The following TRUB2 variants were observed in gnomAD, a reference collection of about 807,000 sequenced individuals.
TRUB2 encodes pseudouridylate synthase TRUB2, mitochondrial.
TRUB2 carries 31 observed loss-of-function variants against 31.9 expected under a neutral mutation model. That is an observed-to-expected ratio of 0.97 (90% CI 0.73 to 1.31). The LOEUF is 1.31. Ranked by LOEUF, TRUB2 falls within the 50% of genes most tolerant of loss-of-function variation. The pLI, the probability that TRUB2 is intolerant of heterozygous loss-of-function variation, is 0.00. For missense variants in TRUB2, 451 were observed against 439.6 expected, an observed-to-expected ratio of 1.03 and a Z score of -0.23; for synonymous variants, 201 against 182.6, an observed-to-expected ratio of 1.10 and a Z score of -0.81.
intron 5 of TRUB2, among the ~76,000 whole-genome samples, chr9:128,312,609 A>G (rs866187782): frequency 7.2e-6 from 1 of 138,028 alleles, no homozygotes; most frequent in South Asian, 2.3e-4. Flanking sequence ...TTTTTGTATT[A>G]TTATTATTTT....
chr9:128,319,406 G>C (rs936460195), intron 2 of TRUB2, among the ~76,000 whole-genome samples: 1 of 151,672 alleles, frequency 6.6e-6, no homozygotes, highest in African/African-American at 2.4e-5. Context: ...TGAGAAGACT[G>C]CTTGAACTCA....
chr9:128,321,502 C>CA, intron 2 of TRUB2, 97 bp downstream of exon 2: 1 of 1,588,186 alleles, frequency 6.3e-7, no homozygotes, highest in Non-Finnish European at 8.6e-7. Flanking sequence ...TGTGGACCTT[C>CA]AAGGGCCTGG....
chr9:128,308,461 G>A lies in TRUB2; in HGVS notation c.*1089C>T, dbSNP rs1831903972. The A allele has an allele frequency of 1.3e-5, 2 of 152,052 alleles. No individual in the cohort carries two copies. The highest frequency in any genetic ancestry group is 2.4e-5 in the African/African-American group (1 of 41,358). The allele number at this position is 152,052 out of a possible 1,614,324, so 9.4% of individuals were successfully genotyped here. A position where few individuals can be genotyped will look rare whatever the true frequency, so the allele number is the denominator to read the frequency against. On this transcript the variant is annotated 3_prime_UTR_variant, in exon 8 of 8. Transcript: ENST00000372890. ...AGGCAGGAGAATGGCGTGAACCTGG[G>A]AAGCGGAGGTTGCAGTGAGCCTAGA...
At chr9:128,321,181 G>A (rs924380059) in intron 2 of TRUB2, among the ~76,000 whole-genome samples, 1 of 128,630 alleles carries the variant, frequency 7.8e-6, no homozygotes, top group Non-Finnish European at 1.5e-5. Context: ...TTTGCTTTTT[G>A]GAACTTTGTG....
At chr9:128,310,691 G>A (rs558280697) in intron 7 of TRUB2, among the ~76,000 whole-genome samples, 196 bp downstream of exon 7, 13 of 152,204 alleles carry the variant, frequency 8.5e-5, no homozygotes, top group Admixed American at 2.0e-4. Context: ...TTTGTTCTGC[G>A]AGCTCTGTCA....
chr9:128,310,517 G>C (rs1248922914), intron 7 of TRUB2, among the ~76,000 whole-genome samples: 1 of 151,932 alleles, frequency 6.6e-6, no homozygotes, highest in Non-Finnish European at 1.5e-5. Flanking sequence ...AAGGAACACA[G>C]ATAAGAGGGG....
Position 128,305,955 on chromosome 9 carries a change from C to T in TRUB2, c.*3595G>A, listed in dbSNP as rs571775499. Reference sequence around the variant, plus strand: ...TCAAGCAATCCTCCTGTGTGGGGATCGCAAAGTGCTGGGATTACAGGCATG... The same window carrying T: ...TCAAGCAATCCTCCTGTGTGGGGATTGCAAAGTGCTGGGATTACAGGCATG... On this transcript the variant is annotated 3_prime_UTR_variant, in exon 8 of 8. Coordinates refer to ENST00000372890, the MANE Select transcript of TRUB2 (RefSeq NM_015679.3). 13 of 152,276 alleles carry T rather than the reference C, an allele frequency of 8.5e-5. No individual in the cohort carries two copies. Among genetic ancestry groups the T allele is most frequent in the African/African-American group, 2.9e-4 (12 of 41,548 alleles). The allele number at this position is 152,276 out of a possible 1,614,324, so 9.4% of individuals were successfully genotyped here.
chr9:128,321,390 G>C (rs1832171608), intron 2 of TRUB2, among the ~76,000 whole-genome samples: 1 of 152,170 alleles, frequency 6.6e-6, no homozygotes. Flanking sequence ...TGGCAGAGTT[G>C]AGCAGTTCCA....
chr9:128,313,897 G>T lies in TRUB2; in HGVS notation c.379-8C>A, dbSNP rs750725988. On this transcript the variant is annotated splice_region_variant and splice_polypyrimidine_tract_variant and intron_variant, in intron 4 of 7. Transcript: ENST00000372890. Reference sequence around the variant, plus strand: ...GCCACGCACTGTGTAATCCTTCAAGGACAGGGAGGTAAAGATCCGTCAGTG... The same window carrying T: ...GCCACGCACTGTGTAATCCTTCAAGTACAGGGAGGTAAAGATCCGTCAGTG... 2.5e-6 allele frequency: 4 copies of T among 1,613,676 alleles called. No individual in the cohort carries two copies. Among genetic ancestry groups the T allele is most frequent in the Non-Finnish European group, 2.5e-6 (3 of 1,179,678 alleles).
chr9:128,316,436 G>C (rs900664787), intron 3 of TRUB2: 1 of 152,128 alleles, frequency 6.6e-6, no homozygotes, highest in African/African-American at 2.4e-5. Context: ...CTGTGCAGTC[G>C]GCACAGAGGA....
At position 128,310,951 on chromosome 9, in the gene TRUB2, G is replaced by A; in HGVS notation, c.606C>T (p.Asn202=). ...TGCCAGTTATCAGCATCGGGGACTTGTTCATGGGCCGGATCAGGCCTCTCA... is the reference window on the plus strand; with the variant it reads ...TGCCAGTTATCAGCATCGGGGACTTATTCATGGGCCGGATCAGGCCTCTCA... ...MAVRGLIRPM[N]KSPMLITGIR... The change falls in exon 7 of 8, where the codon AAC becomes AAT. Residue 202 remains asparagine (N), a synonymous_variant. Coordinates refer to ENST00000372890, the MANE Select transcript of TRUB2 (RefSeq NM_015679.3). 1 of 1,614,264 alleles carries A rather than the reference G, an allele frequency of 6.2e-7. No homozygotes were observed.
intron 2 of TRUB2, among the ~76,000 whole-genome samples, chr9:128,319,671 C>T (rs1832128639): frequency 2.0e-5 from 3 of 149,680 alleles, no homozygotes; most frequent in Admixed American, 2.0e-4. Context: ...CAGAGTCTCA[C>T]TCTTTCACCC....
chr9:128,309,619 ACT>A lies in TRUB2; in HGVS notation c.925_926del (p.Pro310GlyfsTer34), dbSNP rs1831929386. 6 of 1,613,878 alleles carry A rather than the reference ACT, an allele frequency of 3.7e-6. No individual in the cohort carries two copies. The highest frequency in any genetic ancestry group is 5.1e-6 in the Non-Finnish European group (6 of 1,180,016). On this transcript the variant is annotated frameshift_variant, in exon 8 of 8. Transcript: ENST00000372890. LOFTEE classifies it low-confidence loss of function (END_TRUNC). Reference sequence around the variant, plus strand: ...CCTGGGAGTCCCAGGACCATCCCGGACTGGGGAGCTGCTTGGTGTCCAGCCCC... The same window carrying A: ...CCTGGGAGTCCCAGGACCATCCCGGAGGGGAGCTGCTTGGTGTCCAGCCCC... ...SPGLDTKQLP[S>X]PGWSWDSQGP...
chr9:128,319,663 G>C (rs1832128468), intron 2 of TRUB2, among the ~76,000 whole-genome samples: 1 of 147,502 alleles, frequency 6.8e-6, no homozygotes, highest in Non-Finnish European at 1.5e-5. Flanking sequence ...TTTTGAGGCA[G>C]AGTCTCACTC....
intron 3 of TRUB2, 116 bp downstream of exon 3, chr9:128,317,036 C>A (rs1009201761): frequency 9.1e-6 from 8 of 879,834 alleles, no homozygotes; most frequent in South Asian, 1.6e-5. Context: ...GGAATCAGGG[C>A]AGGAGAGGAG....
At chr9:128,313,967 T>TG (rs1161544353) in intron 4 of TRUB2, 78 bp from the exon 5 acceptor site, 58 of 1,371,400 alleles carry the variant, frequency 4.2e-5, no homozygotes, top group Non-Finnish European at 5.6e-5. Flanking sequence ...AAGCTGGGGG[T>TG]GGGGGGTCCT....
intron 1 of TRUB2, 121 bp downstream of exon 1, chr9:128,322,178 TG>T: frequency 1.3e-6 from 1 of 749,166 alleles, no homozygotes; most frequent in Non-Finnish European, 2.2e-6. Context: ...AACAGGCGTT[TG>T]GGAAAGCGCT....
rs375995122 is a variant in TRUB2, at chr9:128,309,359, C to T, written c.*191G>A. On this transcript the variant is annotated 3_prime_UTR_variant, in exon 8 of 8. Transcript: ENST00000372890. Reference sequence around the variant, plus strand: ...ACTTTCTATCAGTCTGTCATGTTTACTGTCTTTTCCTCCATACAGAAGTTT... The same window carrying T: ...ACTTTCTATCAGTCTGTCATGTTTATTGTCTTTTCCTCCATACAGAAGTTT... 1.8e-5 allele frequency: 11 copies of T among 613,282 alleles called. No homozygotes were observed. The highest frequency in any genetic ancestry group is 6.2e-5 in the South Asian group (3 of 48,388). The allele number at this position is 613,282 out of a possible 1,614,324, so 38.0% of individuals were successfully genotyped here.
Position 128,306,028 on chromosome 9 carries a change from C to A in TRUB2, c.*3522G>T, listed in dbSNP as rs1293007802. The stretch of plus-strand genomic sequence containing the variant: ...TTAATTTAAAAGCTCAGCTTAAACA[C>A]CTCATGATGCTTACACATTTGGTAC... On this transcript the variant is annotated 3_prime_UTR_variant, in exon 8 of 8. Transcript: ENST00000372890. The A allele has an allele frequency of 6.6e-6, 1 of 152,182 alleles. No individual in the cohort carries two copies. The allele number at this position is 152,182 out of a possible 1,614,324, so 9.4% of individuals were successfully genotyped here.
Sources: gnomAD v4.1 joint callset for allele counts (sites outside exome capture counted in the v4.1 genomes callset) on GRCh38, gnomAD v4.1.1 for gene constraint, MANE v1.5 for transcripts, NCBI Gene and HGNC (gene_info 2026-07-23, HGNC 2026-07-21) for gene names.